KLHL20: variants seen among roughly 807,000 people sequenced by gnomAD.
KLHL20 encodes the protein kelch-like protein 20.
In KLHL20, 29 loss-of-function variants were observed where a neutral mutation model predicts 69.5. That is an observed-to-expected ratio of 0.42 (90% confidence interval 0.31 to 0.57). The LOEUF (loss-of-function observed/expected upper bound fraction) is 0.57. Among genes scored for constraint, KLHL20 ranks in the 20% least tolerant of loss-of-function variants. The pLI is 0.18. For synonymous variants in KLHL20, 253 were observed against 265.2 expected (o/e 0.95, Z 0.45); for missense variants, 419 against 776.0 (o/e 0.54, Z 5.47).
At chr1:173,719,612 C>T (rs1571843618) in intron 2 of KLHL20, among the ~76,000 whole-genome samples, 1 of 149,436 alleles carries the variant, frequency 6.7e-6, no homozygotes, top group Admixed American at 6.6e-5. Flanking sequence ...CATAAGAATC[C>T]GTCTCAAAAA....
rs997503231 is a variant in KLHL20, at chr1:173,785,792, A to C, written c.*545A>C. 6.6e-6 allele frequency: 1 copy of C among 152,088 alleles called. No homozygotes were observed. Among genetic ancestry groups the C allele is most frequent in the Non-Finnish European group, 1.5e-5 (1 of 68,016 alleles). The allele number at this position is 152,088 out of a possible 1,614,324, so 9.4% of individuals were successfully genotyped here. On this transcript the variant is annotated 3_prime_UTR_variant, in exon 12 of 12. Coordinates refer to ENST00000209884, the MANE Select transcript of KLHL20 (RefSeq NM_014458.4). Reference sequence around the variant, plus strand: ...ACAAGAAAAGGCAACATCTCATTTTAAATAGTACAATTCAGAAGGGATACT... The same window carrying C: ...ACAAGAAAAGGCAACATCTCATTTTCAATAGTACAATTCAGAAGGGATACT...
At position 173,757,001 on chromosome 1, in the gene KLHL20, C is replaced by G; in HGVS notation, c.993C>G (p.Ala331=). Residue 331 remains alanine (A), a synonymous_variant, in exon 7 of 12, where the codon GCC becomes GCG. Coordinates refer to ENST00000209884, the MANE Select transcript of KLHL20 (RefSeq NM_014458.4). The part of the protein sequence containing the change: ...FAVGGWCSGD[A]ISSVERYDPQ... ...TTGGTGGTTGGTGCAGTGGAGATGC[C>G]ATTTCCAGTGTTGAACGATATGATC... 4 of 1,614,034 alleles carry G rather than the reference C, an allele frequency of 2.5e-6. No homozygotes were observed. Among genetic ancestry groups the G allele is most frequent in the Non-Finnish European group, 3.4e-6 (4 of 1,179,970 alleles).
Position 173,766,290 on chromosome 1 carries a change from G to A in KLHL20, c.1295+1G>A, listed in dbSNP as rs1390584971. The A allele has an allele frequency of 6.3e-7, 1 of 1,576,440 alleles. No homozygotes were observed. The highest frequency in any genetic ancestry group is 8.6e-7 in the Non-Finnish European group (1 of 1,168,046). Reference sequence around the variant, plus strand: ...TGTCTTGCCTCAACATTGTTGAGAGGTGATCTTTTTTTTAAGTCATTTTCC... The same window carrying A: ...TGTCTTGCCTCAACATTGTTGAGAGATGATCTTTTTTTTAAGTCATTTTCC... On this transcript the variant is annotated splice_donor_variant, in intron 8 of 11. Transcript: ENST00000209884. LOFTEE classifies it high-confidence loss of function.
intron 2 of KLHL20, among the ~76,000 whole-genome samples, chr1:173,727,023 C>A (rs1480232945): frequency 6.6e-6 from 1 of 152,080 alleles, no homozygotes; most frequent in Non-Finnish European, 1.5e-5. Flanking sequence ...GGATGGCTAA[C>A]TACAATAACC....
In KLHL20 at chr1:173,733,697, C is replaced by G; in HGVS notation, c.24-16C>G. 6.4e-7 allele frequency: 1 copy of G among 1,567,180 alleles called. No individual in the cohort carries two copies. The highest frequency in any genetic ancestry group is 8.7e-7 in the Non-Finnish European group (1 of 1,147,708). The stretch of plus-strand genomic sequence containing the variant: ...TAATACTGCCATCTTCTCTCTCTCC[C>G]CCATCATTCCTATAGGTGTACCAAC... On this transcript the variant is annotated splice_polypyrimidine_tract_variant and intron_variant, in intron 2 of 11. Transcript: ENST00000209884.
chr1:173,742,759 T>C (rs1672875760), intron 3 of KLHL20, among the ~76,000 whole-genome samples: 1 of 151,112 alleles, frequency 6.6e-6, no homozygotes, highest in Admixed American at 6.6e-5. Context: ...AATATGTATA[T>C]ATACACGTAT....
chr1:173,727,364 G>T (rs1292704055), intron 2 of KLHL20, among the ~76,000 whole-genome samples: 1 of 152,178 alleles, frequency 6.6e-6, no homozygotes, highest in African/African-American at 2.4e-5. Flanking sequence ...AATCGAGCAA[G>T]GCAGACCAAC....
At chr1:173,716,375 G>A (rs1671471727) in intron 2 of KLHL20, among the ~76,000 whole-genome samples, 1 of 151,990 alleles carries the variant, frequency 6.6e-6, no homozygotes, top group Non-Finnish European at 1.5e-5. Context: ...ATAATCTTCA[G>A]TTCCCTATAA....
chr1:173,743,991 C>T (rs11578058), intron 3 of KLHL20, among the ~76,000 whole-genome samples: 13,935 of 152,068 alleles, frequency 0.092, 899 homozygotes, highest in Non-Finnish European at 0.14. Context: ...ATGAACATGT[C>T]AATATTGTTG....
intron 3 of KLHL20, among the ~76,000 whole-genome samples, chr1:173,746,666 A>G (rs1319204513): frequency 6.6e-6 from 1 of 151,982 alleles, no homozygotes; most frequent in Non-Finnish European, 1.5e-5. Flanking sequence ...CTAATAATCC[A>G]TTTTAACTTT....
At chr1:173,729,012 A>G (rs1672118738) in intron 2 of KLHL20, among the ~76,000 whole-genome samples, 1 of 152,236 alleles carries the variant, frequency 6.6e-6, no homozygotes, top group South Asian at 2.1e-4. Context: ...GAGAAGAATC[A>G]AATAGACGCA....
intron 8 of KLHL20, among the ~76,000 whole-genome samples, 197 bp downstream of exon 8, chr1:173,766,486 A>G (rs1365634753): frequency 6.6e-6 from 1 of 151,172 alleles, no homozygotes; most frequent in Non-Finnish European, 1.5e-5. Flanking sequence ...ATACAAAAAA[A>G]AAAAAAAAAA....
intron 3 of KLHL20, among the ~76,000 whole-genome samples, chr1:173,743,852 T>C (rs78086490): frequency 0.061 from 9,295 of 152,198 alleles, 1,002 homozygotes; most frequent in African/African-American, 0.21. Context: ...GTCCTTGTTT[T>C]TCATAGCTGC....
intron 2 of KLHL20, among the ~76,000 whole-genome samples, chr1:173,721,462 T>C (rs966336592): frequency 6.6e-6 from 1 of 152,196 alleles, no homozygotes; most frequent in Non-Finnish European, 1.5e-5. Flanking sequence ...TGTCTCTGCA[T>C]ATGGGAAGGG....
chr1:173,775,700 AC>A lies in KLHL20; in HGVS notation c.1498del (p.Leu500Ter). On this transcript the variant is annotated frameshift_variant, in exon 10 of 12. Coordinates refer to ENST00000209884, the MANE Select transcript of KLHL20 (RefSeq NM_014458.4). LOFTEE classifies it high-confidence loss of function. Reference sequence around the variant, plus strand: ...GCCCCTATGGGGACCCGGAGGAAACACCTAGGCTGTGCAGTATATCAGGACA... The same window carrying A: ...GCCCCTATGGGGACCCGGAGGAAACACTAGGCTGTGCAGTATATCAGGACA... ...TIAPMGTRRK[H>X]LGCAVYQDMI... is the part of the protein sequence containing the mutation. 1 of 1,614,170 alleles carries A rather than the reference AC, an allele frequency of 6.2e-7. No individual in the cohort carries two copies. The highest frequency in any genetic ancestry group is 1.3e-5 in the African/African-American group (1 of 75,034).
intron 2 of KLHL20, among the ~76,000 whole-genome samples, chr1:173,726,392 A>G (rs937420897): frequency 2.0e-5 from 3 of 151,838 alleles, no homozygotes; most frequent in Non-Finnish European, 2.9e-5. Flanking sequence ...GACAGCTTTG[A>G]AGAGAGTAGT....
chr1:173,759,163 C>T (rs971695976), intron 7 of KLHL20, among the ~76,000 whole-genome samples: 1 of 152,110 alleles, frequency 6.6e-6, no homozygotes, highest in African/African-American at 2.4e-5. Context: ...TCATAATCTT[C>T]CTAGGTACAC....
intron 2 of KLHL20, among the ~76,000 whole-genome samples, chr1:173,721,909 G>A (rs1671734793): frequency 6.6e-6 from 1 of 152,114 alleles, no homozygotes; most frequent in Admixed American, 6.5e-5. Flanking sequence ...TCTTTTTTAA[G>A]GTCAAGTTGT....
At chr1:173,774,482 A>G (rs765399039) in intron 9 of KLHL20, 44 bp downstream of exon 9, 2 of 1,609,702 alleles carry the variant, frequency 1.2e-6, no homozygotes, top group Non-Finnish European at 1.7e-6. Context: ...AAAGCAGAAC[A>G]TTTTCCTGGA....
Sources: allele counts gnomAD v4.1 joint callset (sites outside exome capture counted in the v4.1 genomes callset), GRCh38; gene constraint gnomAD v4.1.1; transcripts MANE v1.5; gene names NCBI Gene and HGNC (gene_info 2026-07-23, HGNC 2026-07-21).